NFILZ: variants seen among roughly 807,000 people sequenced by gnomAD.
The protein encoded by NFILZ is NFIL3 like basic leucine zipper.
In NFILZ at chr19:8,680,099, G is replaced by C. The variant is rs192801535; in HGVS notation, c.*2464G>C. 1.3e-3 allele frequency among the ~76,000 whole-genome samples: 191 copies of C among 150,968 alleles called. No homozygotes were observed. The highest frequency in any genetic ancestry group is 2.3e-3 in the Non-Finnish European group (153 of 67,896). ...TAATCTCAGCTACTTGGGAGGCTGAGGCATGAAAATCACTTGAACCCAGGA... is the reference window on the plus strand; with the variant it reads ...TAATCTCAGCTACTTGGGAGGCTGACGCATGAAAATCACTTGAACCCAGGA... On this transcript the variant is annotated 3_prime_UTR_variant, in exon 6 of 6. Transcript: ENST00000691075.
Position 8,679,268 on chromosome 19 carries a change from C to CTAT in NFILZ, c.*1633_*1634insTAT, listed in dbSNP as rs1568426680. Reference sequence around the variant, plus strand: ...CTCAGTTTCTCACTCAGCCCCTCTCCCATTATTATTATTATTATTATTATT... The same window carrying CTAT: ...CTCAGTTTCTCACTCAGCCCCTCTCCTATCATTATTATTATTATTATTATTATT... On this transcript the variant is annotated 3_prime_UTR_variant, in exon 6 of 6. Transcript: ENST00000691075. 1.9e-5 allele frequency among the ~76,000 whole-genome samples: 2 copies of CTAT among 102,764 alleles called. No individual in the cohort carries two copies. Among genetic ancestry groups the CTAT allele is most frequent in the African/African-American group, 9.5e-5 (2 of 21,082 alleles). 67.4% of individuals were successfully genotyped at this position (102,764 alleles called of 152,430 possible).
chr19:8,648,431 C>A (rs540897259), intron 3 of NFILZ, among the ~76,000 whole-genome samples: 21 of 152,168 alleles, frequency 1.4e-4, no homozygotes, highest in Middle Eastern at 3.4e-3. Flanking sequence ...GATGGTTGCA[C>A]AATGTGAGTG....
chr19:8,661,080 C>A (rs1363604229), intron 3 of NFILZ, among the ~76,000 whole-genome samples: 2 of 78,990 alleles, frequency 2.5e-5, no homozygotes, highest in Non-Finnish European at 5.3e-5. Context: ...TCCCTCCCTT[C>A]CTTCCCCCTC....
chr19:8,633,588 C>T (rs2042880274), intron 2 of NFILZ, among the ~76,000 whole-genome samples: 1 of 152,162 alleles, frequency 6.6e-6, no homozygotes, highest in African/African-American at 2.4e-5. Flanking sequence ...TCTACCTTCC[C>T]CCACCTCTGG....
At chr19:8,653,927 C>T (rs1281720767) in intron 3 of NFILZ, among the ~76,000 whole-genome samples, 2 of 152,128 alleles carry the variant, frequency 1.3e-5, no homozygotes, top group East Asian at 3.8e-4. Flanking sequence ...CTAAACAATT[C>T]ATCCATGTAA....
chr19:8,663,336 C>T (rs1339356943), intron 3 of NFILZ, among the ~76,000 whole-genome samples: 2 of 150,018 alleles, frequency 1.3e-5, no homozygotes, highest in African/African-American at 4.9e-5. Flanking sequence ...AAAAGAGGAG[C>T]AGAGGACAAA....
chr19:8,645,341 G>A (rs571567837), intron 3 of NFILZ, among the ~76,000 whole-genome samples: 7 of 145,270 alleles, frequency 4.8e-5, no homozygotes, highest in African/African-American at 1.3e-4. Flanking sequence ...GTCTAGCCAT[G>A]TTGCCCAGGC....
At chr19:8,653,239 C>G (rs1008324190) in intron 3 of NFILZ, among the ~76,000 whole-genome samples, 5 of 151,934 alleles carry the variant, frequency 3.3e-5, no homozygotes, top group Non-Finnish European at 5.9e-5. Context: ...CACCACCACA[C>G]CCAGCTAATT....
At chr19:8,674,107 T>G (rs541435335) in intron 3 of NFILZ, among the ~76,000 whole-genome samples, 2 of 152,304 alleles carry the variant, frequency 1.3e-5, no homozygotes, top group East Asian at 3.9e-4. Flanking sequence ...CCAAAAGTCC[T>G]GGGATTACAG....
chr19:8,637,838 C>A (rs1245956620), intron 3 of NFILZ, among the ~76,000 whole-genome samples: 1 of 124,268 alleles, frequency 8.0e-6, no homozygotes, highest in Admixed American at 1.0e-4. Flanking sequence ...ACCAGGGAGG[C>A]GGAGATTGCA....
chr19:8,680,438 C>T lies in NFILZ; in HGVS notation c.*2803C>T, dbSNP rs782649734. Among the ~76,000 whole-genome samples the T allele has an allele frequency of 2.6e-5, 4 of 151,922 alleles. No homozygotes were observed. Among genetic ancestry groups the T allele is most frequent in the Non-Finnish European group, 4.4e-5 (3 of 68,010 alleles). ...AAAAAGTCTGAAAATCATATGCAGC[C>T]GAGTTGGCAGTCTTTTCTTTTGTGG... is the stretch of plus-strand genomic sequence containing the variant. On this transcript the variant is annotated 3_prime_UTR_variant, in exon 6 of 6. Coordinates refer to ENST00000691075, the MANE Select transcript of NFILZ (RefSeq NM_001378600.1).
At chr19:8,663,750 G>GTGTGTGTGTGTGTGTGTGTGTGTGTGTA (rs2043047277) in intron 3 of NFILZ, among the ~76,000 whole-genome samples, 16 of 137,048 alleles carry the variant, frequency 1.2e-4, no homozygotes, top group South Asian at 4.7e-4. Context: ...GTGTGTGTGT[G>GTGTGTGTGTGTGTGTGTGTGTGTGTGTA]TGTGTGTGTG....
Position 8,652,857 on chromosome 19 carries a change from TTTC to T in NFILZ, c.-164+17114_-164+17116del, listed in dbSNP as rs1193662470. On this transcript the variant is annotated intron_variant, in intron 3 of 5. Transcript: ENST00000691075. ...CTTTCTCTTTCTTTCTTTCCTTTTC[TTTC>T]TTTTCTTACTTTCTTCCCCCTCCTT... 6.0e-5 allele frequency among the ~76,000 whole-genome samples: 9 copies of T among 149,570 alleles called. No homozygotes were observed. The South Asian group carries it at 1.9e-3, about 31-fold the overall frequency.
At position 8,679,719 on chromosome 19, in the gene NFILZ, C is replaced by T. The variant is rs2146179607; in HGVS notation, c.*2084C>T. Among the ~76,000 whole-genome samples the T allele has an allele frequency of 6.6e-6, 1 of 152,218 alleles. No individual in the cohort carries two copies. Among genetic ancestry groups the T allele is most frequent in the South Asian group, 2.1e-4 (1 of 4,820 alleles). ...TGGGCAAGATCAGCCCTTCTCCTTC[C>T]CTCCATGCCTGACCTTCCAGCAGGT... On this transcript the variant is annotated 3_prime_UTR_variant, in exon 6 of 6. Coordinates refer to ENST00000691075, the MANE Select transcript of NFILZ (RefSeq NM_001378600.1).
chr19:8,636,444 T>TA (rs2042895007), intron 3 of NFILZ, among the ~76,000 whole-genome samples: 2 of 37,918 alleles, frequency 5.3e-5, no homozygotes, highest in Admixed American at 3.6e-4. Flanking sequence ...CGAGACTCCA[T>TA]CTTTTTTTTT....
At chr19:8,657,384 C>G (rs1397236287) in intron 3 of NFILZ, among the ~76,000 whole-genome samples, 1 of 151,916 alleles carries the variant, frequency 6.6e-6, no homozygotes, top group Non-Finnish European at 1.5e-5. Flanking sequence ...TTACAGGCGT[C>G]AGCCACCGCG....
chr19:8,644,707 C>A (rs997649888), intron 3 of NFILZ, among the ~76,000 whole-genome samples: 1 of 151,962 alleles, frequency 6.6e-6, no homozygotes, highest in Non-Finnish European at 1.5e-5. Flanking sequence ...CTCAAGCAAT[C>A]CTTCTGCCTC....
chr19:8,661,287 C>T (rs2043030947), intron 3 of NFILZ, among the ~76,000 whole-genome samples: 1 of 151,422 alleles, frequency 6.6e-6, no homozygotes, highest in African/African-American at 2.4e-5. Flanking sequence ...CTCAGCCTCC[C>T]AAGTAGTTGG....
At chr19:8,643,366 C>A (rs1296070292) in intron 3 of NFILZ, among the ~76,000 whole-genome samples, 2 of 152,314 alleles carry the variant, frequency 1.3e-5, no homozygotes, top group Middle Eastern at 3.4e-3. Context: ...TGGAAAATAA[C>A]TTCCTCTCTA....
Sources: allele counts gnomAD v4.1 joint callset (sites outside exome capture counted in the v4.1 genomes callset), GRCh38; gene constraint gnomAD v4.1.1; transcripts MANE v1.5; gene names NCBI Gene and HGNC (gene_info 2026-07-23, HGNC 2026-07-21).